The following RPS6KA2 variants were observed in gnomAD, a reference collection of about 807,000 sequenced individuals.
RPS6KA2 encodes the protein ribosomal protein S6 kinase A2.
Under a neutral mutation model 91.8 loss-of-function variants are expected in RPS6KA2, and 42 were observed. The ratio of observed to expected loss-of-function variants is 0.46; its 90% confidence interval spans 0.36 to 0.59. RPS6KA2 has a LOEUF of 0.59. RPS6KA2 is among the 20% of genes least tolerant of loss of function. The probability of loss-of-function intolerance (pLI) is 0.00; values close to 1 mark genes in which losing one functional copy is unlikely to be tolerated. For missense variants in RPS6KA2, 798 were observed against 978.5 expected, an observed-to-expected ratio of 0.82 and a Z score of 2.46; for synonymous variants, 414 against 393.6, an observed-to-expected ratio of 1.05 and a Z score of -0.61.
rs1450441566 is a variant in RPS6KA2 at position 166,635,787 on chromosome 6, A to G, written c.124-97003T>C. On this transcript the variant is annotated intron_variant, in intron 2 of 21. Transcript: ENST00000503859. The surrounding 1 kb of genome is among the most constrained non-coding windows in gnomAD (Gnocchi z 4.8). ...TACTGCGCTCACCCCAGGACAAGCC[A>G]CCATCCCCACCCTGGGGAGAAGGCT... Among the ~76,000 whole-genome samples, 1 of 152,042 alleles carries G rather than the reference A, an allele frequency of 6.6e-6. No homozygotes were observed.
At chr6:166,818,019 G>A (rs928552926) in intron 2 of RPS6KA2, among the ~76,000 whole-genome samples, 85 of 152,044 alleles carry the variant, frequency 5.6e-4, no homozygotes, top group African/African-American at 1.9e-3. Context: ...CACTGCGCCC[G>A]GCCCGGCCAA....
intron 1 of RPS6KA2, among the ~76,000 whole-genome samples, chr6:166,582,310 G>A (rs982284548): frequency 3.2e-4 from 49 of 152,180 alleles, no homozygotes; most frequent in Non-Finnish European, 5.9e-4. Context: ...GCTGGCTTCC[G>A]GTGGCATGCA....
intron 2 of RPS6KA2, among the ~76,000 whole-genome samples, chr6:166,803,457 G>C (rs1779418957): frequency 6.6e-6 from 1 of 152,198 alleles, no homozygotes; most frequent in South Asian, 2.1e-4. Context: ...CTCATGCCCG[G>C]CTCACAAGGT....
intron 1 of RPS6KA2, among the ~76,000 whole-genome samples, chr6:166,561,327 C>T (rs896619532): frequency 3.9e-5 from 6 of 152,218 alleles, no homozygotes; most frequent in South Asian, 4.2e-4. Flanking sequence ...GCTTTGTCCC[C>T]GATACCCTGA....
At chr6:166,417,068 T>C (rs962752460) in intron 19 of RPS6KA2, among the ~76,000 whole-genome samples, 4 of 152,168 alleles carry the variant, frequency 2.6e-5, no homozygotes, top group South Asian at 2.1e-4. Flanking sequence ...TGATTTACTA[T>C]TGGATTAGAG....
chr6:166,550,867 G>A (rs1420264842), intron 1 of RPS6KA2, among the ~76,000 whole-genome samples: 4 of 151,878 alleles, frequency 2.6e-5, no homozygotes, highest in Admixed American at 6.6e-5. Context: ...CAGGCGTGGT[G>A]GCGGGCGCCT....
At position 166,595,293 on chromosome 6, in the gene RPS6KA2, C is replaced by T. The variant is rs1470171051; in HGVS notation, c.99+31628G>A. 2.0e-5 allele frequency among the ~76,000 whole-genome samples: 3 copies of T among 152,234 alleles called. No individual in the cohort carries two copies. The East Asian group carries it at 5.8e-4, about 29-fold the overall frequency. ...TCTCGAACTCCTGACCTCAAGTGAT[C>T]TGCCTGCCTCGGCCTCCCAAAGTGT... On this transcript the variant is annotated intron_variant, in intron 1 of 20. Transcript: ENST00000265678.
chr6:166,462,300 A>G (rs1655380649), intron 11 of RPS6KA2, among the ~76,000 whole-genome samples: 1 of 152,118 alleles, frequency 6.6e-6, no homozygotes, highest in Admixed American at 6.5e-5. Flanking sequence ...CTGGCTTCCT[A>G]CAGGCCACAT....
In RPS6KA2 at chr6:166,479,996, G is replaced by C. The variant is rs1781132118; in HGVS notation, c.907+8837C>G. 2.0e-5 allele frequency among the ~76,000 whole-genome samples: 3 copies of C among 151,404 alleles called. No homozygotes were observed. The South Asian group carries it at 6.3e-4, about 32-fold the overall frequency. On this transcript the variant is annotated intron_variant, in intron 10 of 20. Transcript: ENST00000265678. ...CCCCTGTGTAGACGACGGTAATTCA[G>C]TTAACCGTCCCTGGGTGATGTGGGT... is the stretch of plus-strand genomic sequence containing the variant.
intron 17 of RPS6KA2, among the ~76,000 whole-genome samples, chr6:166,420,215 TTTTTAA>T (rs1778674817): frequency 6.6e-6 from 1 of 152,232 alleles, no homozygotes; most frequent in Non-Finnish European, 1.5e-5. Flanking sequence ...AGGGCCTTAA[TTTTTAA>T]GGCAGAAGGA....
At chr6:166,487,354 C>T (rs1357120049) in intron 10 of RPS6KA2, among the ~76,000 whole-genome samples, 3 of 152,134 alleles carry the variant, frequency 2.0e-5, no homozygotes, top group Non-Finnish European at 2.9e-5. Flanking sequence ...CCTGCTCTGA[C>T]GTCACCAGTG....
At chr6:166,760,102 A>G (rs1040565257) in intron 2 of RPS6KA2, among the ~76,000 whole-genome samples, 1 of 152,164 alleles carries the variant, frequency 6.6e-6, no homozygotes, top group East Asian at 1.9e-4. Flanking sequence ...CACAGGAATA[A>G]AAACGGAAGG....
chr6:166,755,087 C>A (rs767357174), intron 2 of RPS6KA2, among the ~76,000 whole-genome samples: 25 of 152,196 alleles, frequency 1.6e-4, no homozygotes, highest in Non-Finnish European at 2.4e-4. Context: ...AGCCCAGACC[C>A]AGGGCCACTG....
At chr6:166,618,029 G>A (rs376615052) in intron 1 of RPS6KA2, among the ~76,000 whole-genome samples, 14 of 152,360 alleles carry the variant, frequency 9.2e-5, no homozygotes, top group South Asian at 6.2e-4. Context: ...CTGAGAGAAC[G>A]TGAAGCTCTG....
chr6:166,713,259 C>A (rs563272152), intron 2 of RPS6KA2, among the ~76,000 whole-genome samples: 92 of 152,346 alleles, frequency 6.0e-4, no homozygotes, highest in Middle Eastern at 6.8e-3. Flanking sequence ...TATCAGAAGA[C>A]TGGCGCCAGG....
chr6:166,594,653 G>A (rs904164009), intron 1 of RPS6KA2, among the ~76,000 whole-genome samples: 2 of 152,122 alleles, frequency 1.3e-5, no homozygotes, highest in Non-Finnish European at 2.9e-5. Flanking sequence ...TAGTAGAGAC[G>A]GAGCTTCACT....
intron 1 of RPS6KA2, among the ~76,000 whole-genome samples, chr6:166,539,214 G>A (rs907514272): frequency 1.7e-4 from 26 of 152,256 alleles, no homozygotes; most frequent in Middle Eastern, 3.4e-3. Context: ...CACCCCGCCC[G>A]GCCCATTTAG....
chr6:166,454,113 C>T (rs541016748), intron 12 of RPS6KA2, among the ~76,000 whole-genome samples: 14 of 152,270 alleles, frequency 9.2e-5, no homozygotes, highest in Admixed American at 8.5e-4. Flanking sequence ...GAACACTCCT[C>T]AGGTGATGGT....
At chr6:166,835,204 T>C (rs1332230885) in intron 2 of RPS6KA2, among the ~76,000 whole-genome samples, 1 of 152,230 alleles carries the variant, frequency 6.6e-6, no homozygotes, top group East Asian at 1.9e-4. Context: ...CACATCACTG[T>C]AGTATAGCTT....
Sources: allele counts gnomAD v4.1 joint callset (sites outside exome capture counted in the v4.1 genomes callset), GRCh38; gene constraint gnomAD v4.1.1; non-coding constraint Gnocchi (gnomAD v3.1); transcripts MANE v1.5; gene names NCBI Gene and HGNC (gene_info 2026-07-23, HGNC 2026-07-21).